Variants in TACR3 observed in about 807,000 individuals in gnomAD.
TACR3 encodes tachykinin receptor 3, also known as neuromedin-K receptor.
A neutral mutation model predicts 35.0 loss-of-function variants in TACR3; 34 were observed. The observed-to-expected ratio is 0.97, with a 90% CI of 0.74 to 1.30. The LOEUF (loss-of-function observed/expected upper bound fraction) is 1.30. Ranked by LOEUF, TACR3 falls within the 50% of genes most tolerant of loss-of-function variation. TACR3 has a pLI of 0.00. For missense variants in TACR3, 558 were observed against 591.7 expected (o/e 0.94, Z 0.59); for synonymous variants, 233 against 221.1 (o/e 1.05, Z -0.48).
At chr4:103,599,418 C>G (rs531062697) in intron 3 of TACR3, among the ~76,000 whole-genome samples, 1 of 152,298 alleles carries the variant, frequency 6.6e-6, no homozygotes, top group Non-Finnish European at 1.5e-5. Flanking sequence ...AATTTGACTT[C>G]CTCTTTTCCT....
chr4:103,656,152 C>G lies in TACR3; in HGVS notation c.888+42G>C, dbSNP rs765435492. The G allele has an allele frequency of 1.9e-6, 3 of 1,610,036 alleles. No individual in the cohort carries two copies. The South Asian group carries it at 3.3e-5, about 18-fold the overall frequency. On this transcript the variant is annotated intron_variant, in intron 3 of 4. Transcript: ENST00000304883. Reference sequence around the variant, plus strand: ...TAGATTGCTTTTCTTTCTGATATACCATAACCTATACAAATGCTAGGTAAA... The same window carrying G: ...TAGATTGCTTTTCTTTCTGATATACGATAACCTATACAAATGCTAGGTAAA...
chr4:103,651,840 G>A (rs1441771262), intron 3 of TACR3, among the ~76,000 whole-genome samples: 1 of 151,958 alleles, frequency 6.6e-6, no homozygotes, highest in African/African-American at 2.4e-5. Context: ...TTCCCTTCAA[G>A]GCAGTGGGTT....
intron 1 of TACR3, among the ~76,000 whole-genome samples, chr4:103,664,681 G>T (rs1218192394): frequency 1.3e-5 from 2 of 152,116 alleles, no homozygotes; most frequent in Admixed American, 6.5e-5. Flanking sequence ...TCAACTTCTG[G>T]CCTTCAGTGC....
At chr4:103,681,268 C>G (rs1722080646) in intron 1 of TACR3, among the ~76,000 whole-genome samples, 1 of 151,974 alleles carries the variant, frequency 6.6e-6, no homozygotes, top group African/African-American at 2.4e-5. Flanking sequence ...TCTCTCAATT[C>G]CACTCACTTT....
chr4:103,682,014 A>G (rs1480926624), intron 1 of TACR3, among the ~76,000 whole-genome samples: 2 of 152,206 alleles, frequency 1.3e-5, no homozygotes, highest in Non-Finnish European at 2.9e-5. Flanking sequence ...ATTCATGTTT[A>G]TTAGTTTTAT....
intron 3 of TACR3, among the ~76,000 whole-genome samples, chr4:103,655,515 C>A (rs557409386): frequency 6.6e-6 from 1 of 151,966 alleles, no homozygotes; most frequent in South Asian, 2.1e-4. Flanking sequence ...CTTATTTAGT[C>A]GCATAACGAT....
intron 1 of TACR3, among the ~76,000 whole-genome samples, chr4:103,696,991 G>A (rs1470759218): frequency 1.3e-5 from 2 of 152,136 alleles, no homozygotes; most frequent in East Asian, 1.9e-4. Flanking sequence ...ATAGCTCACT[G>A]TAACCTTAAA....
chr4:103,666,540 G>A (rs1351178825), intron 1 of TACR3, among the ~76,000 whole-genome samples: 1 of 151,998 alleles, frequency 6.6e-6, no homozygotes, highest in Non-Finnish European at 1.5e-5. Context: ...ATGCATGAAT[G>A]CTTAGGTACC....
intron 1 of TACR3, among the ~76,000 whole-genome samples, chr4:103,676,897 A>G (rs1489875606): frequency 6.6e-6 from 1 of 152,228 alleles, no homozygotes; most frequent in East Asian, 1.9e-4. Flanking sequence ...CTTCACAGCA[A>G]AAGAAACTAT....
chr4:103,642,528 A>G (rs1455623762), intron 3 of TACR3, among the ~76,000 whole-genome samples: 2 of 151,942 alleles, frequency 1.3e-5, no homozygotes, highest in Non-Finnish European at 2.9e-5. Flanking sequence ...GAACTGGAGG[A>G]CATTATGCTA....
At chr4:103,629,340 A>G (rs1335498439) in intron 3 of TACR3, among the ~76,000 whole-genome samples, 2 of 152,140 alleles carry the variant, frequency 1.3e-5, no homozygotes, top group Admixed American at 1.3e-4. Flanking sequence ...GGAAAAGAGG[A>G]AGCCAAATTG....
At chr4:103,630,734 G>A (rs573094449) in intron 3 of TACR3, among the ~76,000 whole-genome samples, 9 of 152,294 alleles carry the variant, frequency 5.9e-5, no homozygotes, top group African/African-American at 9.6e-5. Context: ...CTGTTGGTGG[G>A]AGTGTAAATT....
In TACR3 at chr4:103,719,697, GACC is replaced by G. The variant is rs1723172147; in HGVS notation, c.-25_-23del. On this transcript the variant is annotated 5_prime_UTR_variant, in exon 1 of 5. Coordinates refer to ENST00000304883, the MANE Select transcript of TACR3 (RefSeq NM_001059.3). ...CCATCGCCACCGGTCTGCAGTCCCGGACCCTCCCACTCACCCACGGGCAGCCCA... is the reference window on the plus strand; with the variant it reads ...CCATCGCCACCGGTCTGCAGTCCCGGCTCCCACTCACCCACGGGCAGCCCA... 2 of 1,604,902 alleles carry G rather than the reference GACC, an allele frequency of 1.2e-6. No homozygotes were observed. The highest frequency in any genetic ancestry group is 2.7e-5 in the African/African-American group (2 of 74,884).
chr4:103,686,859 C>T (rs549173148), intron 1 of TACR3, among the ~76,000 whole-genome samples: 2 of 152,090 alleles, frequency 1.3e-5, no homozygotes, highest in African/African-American at 4.8e-5. Context: ...CTATTCCAAT[C>T]AATAGAAAAA....
At chr4:103,703,148 A>G (rs897556148) in intron 1 of TACR3, among the ~76,000 whole-genome samples, 4 of 152,192 alleles carry the variant, frequency 2.6e-5, no homozygotes, top group African/African-American at 9.6e-5. Context: ...TGGAGTCCAC[A>G]TTGTTTTGCA....
At chr4:103,655,375 T>C (rs865790203) in intron 3 of TACR3, among the ~76,000 whole-genome samples, 18 of 152,214 alleles carry the variant, frequency 1.2e-4, no homozygotes, top group Middle Eastern at 3.4e-3. Flanking sequence ...ACAATAATGA[T>C]TGGCATAATC....
At chr4:103,657,874 C>T (rs953471489) in intron 2 of TACR3, among the ~76,000 whole-genome samples, 1 of 152,104 alleles carries the variant, frequency 6.6e-6, no homozygotes, top group African/African-American at 2.4e-5. Context: ...GCAATCAACA[C>T]ATTTGGGCTT....
intron 3 of TACR3, among the ~76,000 whole-genome samples, chr4:103,620,198 T>C (rs1445560808): frequency 2.6e-5 from 4 of 152,130 alleles, no homozygotes; most frequent in Non-Finnish European, 5.9e-5. Flanking sequence ...CAATGAGATA[T>C]CATCTTACAC....
At chr4:103,684,390 C>T (rs1042681068) in intron 1 of TACR3, among the ~76,000 whole-genome samples, 1 of 151,996 alleles carries the variant, frequency 6.6e-6, no homozygotes, top group Admixed American at 6.6e-5. Context: ...GTTCAAGTGA[C>T]AAAATCAATG....
Sources: allele counts gnomAD v4.1 joint callset (sites outside exome capture counted in the v4.1 genomes callset), GRCh38; gene constraint gnomAD v4.1.1; transcripts MANE v1.5; gene names NCBI Gene and HGNC (gene_info 2026-07-23, HGNC 2026-07-21).